SEMA4D: variants seen among roughly 807,000 people sequenced by gnomAD.
The protein encoded by SEMA4D is semaphorin 4D, also known as semaphorin-4D.
In SEMA4D, 22 loss-of-function variants were observed where a neutral mutation model predicts 74.8. The ratio of observed to expected loss-of-function variants is 0.29; its 90% CI spans 0.21 to 0.42. The LOEUF (loss-of-function observed/expected upper bound fraction) is 0.42, where lower values mean the gene tolerates loss of function less well. SEMA4D is among the 10% of genes least tolerant of loss of function. The pLI is 1.00. For synonymous variants in SEMA4D, 445 were observed against 463.7 expected, an observed-to-expected ratio of 0.96 and a Z score of 0.52; for missense variants, 937 against 1,118.4, an observed-to-expected ratio of 0.84 and a Z score of 2.31.
chr9:89,412,162 A>G (rs1844675619), intron 2 of SEMA4D, among the ~76,000 whole-genome samples: 2 of 152,254 alleles, frequency 1.3e-5, no homozygotes, highest in South Asian at 2.1e-4. Flanking sequence ...TAGTTGAGGT[A>G]GAACAGGAGA....
intron 2 of SEMA4D, among the ~76,000 whole-genome samples, chr9:89,444,625 C>T (rs1852407061): frequency 6.6e-6 from 1 of 152,020 alleles, no homozygotes; most frequent in Admixed American, 6.6e-5. Flanking sequence ...CCTCCCCCAC[C>T]CCAAGCATAT....
intron 2 of SEMA4D, among the ~76,000 whole-genome samples, chr9:89,451,353 A>G (rs939994182): frequency 2.6e-5 from 4 of 152,176 alleles, no homozygotes; most frequent in Non-Finnish European, 5.9e-5. Flanking sequence ...ATTCCCATCT[A>G]TGAAATGGAT....
chr9:89,386,281 G>A lies in SEMA4D; in HGVS notation c.1446+86C>T, dbSNP rs567770618. On this transcript the variant is annotated intron_variant, in intron 13 of 15. Transcript: ENST00000422704. ...GACAGAGGGGCCTGCCCAGGAGCCCGACTCCAGCTTGCCAACTCTCCTGTC... is the reference window on the plus strand; with the variant it reads ...GACAGAGGGGCCTGCCCAGGAGCCCAACTCCAGCTTGCCAACTCTCCTGTC... 4.9e-5 allele frequency: 57 copies of A among 1,159,434 alleles called. No homozygotes were observed. In the East Asian group the frequency reaches 9.4e-4, roughly 19 times the overall value. The allele number at this position is 1,159,434 out of a possible 1,614,324, so 71.8% of individuals were successfully genotyped here.
chr9:89,401,375 C>G (rs1842190844), intron 4 of SEMA4D, among the ~76,000 whole-genome samples: 1 of 152,152 alleles, frequency 6.6e-6, no homozygotes, highest in Admixed American at 6.5e-5. Flanking sequence ...GTTTTCAGAG[C>G]ATAATGCTCA....
chr9:89,399,301 C>T lies in SEMA4D; in HGVS notation c.290G>A (p.Cys97Tyr). 1 of 1,613,872 alleles carries T rather than the reference C, an allele frequency of 6.2e-7. No individual in the cohort carries two copies. Among genetic ancestry groups the T allele is most frequent in the South Asian group, 1.1e-5 (1 of 91,082 alleles). Residue 97 changes from cysteine (C) to tyrosine (Y), a missense_variant, in exon 5 of 16, where the codon TGT becomes TAT. Coordinates refer to ENST00000422704, the MANE Select transcript of SEMA4D (RefSeq NM_001371194.2). The part of the protein sequence containing the change: ...WKVSEDKKAK[C>Y]AEKGKSKQTE... ...CTGTTTTGATTTCCCCTTTTCTGCA[C>T]ATTTTGCTTTTTTGTCTTCTGAGAC...
intron 2 of SEMA4D, among the ~76,000 whole-genome samples, chr9:89,444,445 A>T (rs1301554905): frequency 4.6e-5 from 7 of 152,188 alleles, no homozygotes; most frequent in Non-Finnish European, 1.0e-4. Context: ...TACTGACGGG[A>T]TGTGGGCACG....
At chr9:89,452,004 T>C (rs1348339094) in intron 2 of SEMA4D, among the ~76,000 whole-genome samples, 1 of 151,976 alleles carries the variant, frequency 6.6e-6, no homozygotes, top group African/African-American at 2.4e-5. Flanking sequence ...CTATGAGGCA[T>C]AAGGAGGCAG....
intron 4 of SEMA4D, among the ~76,000 whole-genome samples, chr9:89,400,989 G>C (rs1267342590): frequency 6.6e-6 from 1 of 152,192 alleles, no homozygotes; most frequent in African/African-American, 2.4e-5. Context: ...GACACGCGAA[G>C]AGTAAGAGCT....
At chr9:89,407,829 T>G (rs1426563030) in intron 2 of SEMA4D, among the ~76,000 whole-genome samples, 1 of 152,224 alleles carries the variant, frequency 6.6e-6, no homozygotes, top group Non-Finnish European at 1.5e-5. Flanking sequence ...CTCCTGCCTG[T>G]CAACACCACT....
In SEMA4D at chr9:89,363,443, C is replaced by T; in HGVS notation, c.2177G>A (p.Trp726Ter). 6.2e-7 allele frequency: 1 copy of T among 1,613,672 alleles called. No individual in the cohort carries two copies. Among genetic ancestry groups the T allele is most frequent in the East Asian group, 2.2e-5 (1 of 44,882 alleles). ...GCGGCCACTTACCCACGCCTTCCTC[C>T]AGCTCTGCATCATCCGGTCGTGCTC... The change falls in exon 18 of 19, where the codon TGG becomes TAG. Residue 726 changes from tryptophan (W) to a stop codon, truncating the protein, a stop_gained. Transcript: ENST00000339861. LOFTEE classifies it high-confidence loss of function.
chr9:89,385,677 AG>A (rs1351307132), intron 13 of SEMA4D: 1 of 661,822 alleles, frequency 1.5e-6, no homozygotes, highest in African/African-American at 2.0e-5. Context: ...GAAGACCTGG[AG>A]GGGTGTTTGC....
At position 89,387,552 on chromosome 9, in the gene SEMA4D, G is replaced by T; in HGVS notation, c.1164C>A (p.Asp388Glu). The change falls in exon 12 of 16, where the codon GAC (aspartate) becomes GAA (glutamate). Residue 388 changes from aspartate to glutamate, a missense_variant. Asp to Glu is a conservative substitution (Grantham distance 45). Coordinates refer to ENST00000422704, the MANE Select transcript of SEMA4D (RefSeq NM_001371194.2). ...ANYTSSLNLP[D>E]KTLQFVKDHP... ...GGTCTTTAACGAACTGCAGCGTCTT[G>T]TCTGGCAAATTCAAGGAGCTGGTGT... The T allele has an allele frequency of 6.2e-7, 1 of 1,614,230 alleles. No homozygotes were observed. The highest frequency in any genetic ancestry group is 8.5e-7 in the Non-Finnish European group (1 of 1,180,050).
intron 3 of SEMA4D, among the ~76,000 whole-genome samples, chr9:89,405,011 A>C (rs1286162940): frequency 7.3e-6 from 1 of 136,902 alleles, no homozygotes; most frequent in African/African-American, 3.0e-5. Flanking sequence ...CATCCCAGGA[A>C]GTGGGGTCCC....
chr9:89,383,178 C>A (rs562047127), intron 13 of SEMA4D, among the ~76,000 whole-genome samples: 1 of 152,204 alleles, frequency 6.6e-6, no homozygotes, highest in Non-Finnish European at 1.5e-5. Flanking sequence ...GAGAACAGGG[C>A]ATTTCTGTAG....
intron 1 of SEMA4D, among the ~76,000 whole-genome samples, chr9:89,482,465 A>G (rs73653410): frequency 0.014 from 2,197 of 152,318 alleles, 58 homozygotes; most frequent in African/African-American, 0.05. Context: ...CCCCAGCAGC[A>G]GAAGGCCCCG....
intron 2 of SEMA4D, among the ~76,000 whole-genome samples, chr9:89,428,231 T>A (rs991809825): frequency 3.3e-5 from 5 of 152,168 alleles, no homozygotes; most frequent in African/African-American, 1.2e-4. Context: ...GGTCACAAGT[T>A]GAGGACCACC....
chr9:89,495,306 C>T (rs1453832471), intron 1 of SEMA4D, among the ~76,000 whole-genome samples: 1 of 152,194 alleles, frequency 6.6e-6, no homozygotes, highest in African/African-American at 2.4e-5. Context: ...AGCAGCAAAG[C>T]AATTTGCTTA....
rs1826173254 is a variant in SEMA4D at position 89,498,066 on chromosome 9, G to C, written c.-457C>G. On this transcript the variant is annotated 5_prime_UTR_variant, in exon 1 of 16. In the 5' UTR this introduces an upstream ATG that the reference lacks. Coordinates refer to ENST00000422704, the MANE Select transcript of SEMA4D (RefSeq NM_001371194.2). ...GCCCGGCGGCGGCAGCGGCGGCTGGGATGCTGCGGCGCGCGAGAGCGCTGA... is the reference window on the plus strand; with the variant it reads ...GCCCGGCGGCGGCAGCGGCGGCTGGCATGCTGCGGCGCGCGAGAGCGCTGA... 2.0e-5 allele frequency: 3 copies of C among 148,750 alleles called. No homozygotes were observed. The highest frequency in any genetic ancestry group is 4.9e-5 in the African/African-American group (2 of 40,968). 9.2% of individuals were successfully genotyped at this position (148,750 alleles called of 1,614,324 possible).
rs1564832883 is a variant in SEMA4D, at chr9:89,450,659, G to GAAAAAAAAAA, written c.-244+5228_-244+5229insTTTTTTTTTT. 5.9e-3 allele frequency: 2,471 copies of GAAAAAAAAAA among 420,154 alleles called. 562 individuals are homozygous for GAAAAAAAAAA. Among genetic ancestry groups the GAAAAAAAAAA allele is most frequent in the East Asian group, 0.014 (269 of 19,904 alleles). 26.0% of individuals were successfully genotyped at this position (420,154 alleles called of 1,614,324 possible). The stretch of plus-strand genomic sequence containing the variant: ...AGAGTTCTGCAAGTCGAAAAACCCA[G>GAAAAAAAAAA]GAAAAAAAAAAAAAAAAAAAAAAAA... On this transcript the variant is annotated intron_variant, in intron 2 of 15. Coordinates refer to ENST00000422704, the MANE Select transcript of SEMA4D (RefSeq NM_001371194.2).
Sources: gnomAD v4.1 joint callset for allele counts (sites outside exome capture counted in the v4.1 genomes callset) on GRCh38, gnomAD v4.1.1 for gene constraint, MANE v1.5 for transcripts, NCBI Gene and HGNC (gene_info 2026-07-23, HGNC 2026-07-21) for gene names.